The following CLASRP variants were observed in gnomAD, a reference collection of about 807,000 sequenced individuals.
CLASRP encodes CLK4-associating serine/arginine rich protein.
CLASRP carries 52 observed loss-of-function variants against 99.9 expected under a neutral mutation model. The ratio of observed to expected loss-of-function variants is 0.52; its 90% CI spans 0.42 to 0.66. The LOEUF is 0.66. CLASRP is among the 30% of genes least tolerant of loss of function. CLASRP has a pLI of 0.00. For missense variants in CLASRP, 848 were observed against 999.2 expected (o/e 0.85, Z 2.04); for synonymous variants, 379 against 373.0 (o/e 1.02, Z -0.18).
intron 2 of CLASRP, among the ~76,000 whole-genome samples, chr19:45,047,725 A>G (rs1181645154): frequency 1.3e-5 from 2 of 152,186 alleles, no homozygotes; most frequent in Non-Finnish European, 2.9e-5. Context: ...GGGTGGATGT[A>G]GTTACTACTA....
chr19:45,039,215 CG>C (rs936919291), intron 1 of CLASRP, 107 bp downstream of exon 1: 1 of 152,458 alleles, frequency 6.6e-6, no homozygotes, highest in Non-Finnish European at 1.5e-5. Context: ...TGCTGCGTCC[CG>C]GCCCCGAGGA....
rs1385235925 is a variant in CLASRP at position 45,060,943 on chromosome 19, C to T, written c.863+316C>T. Among the ~76,000 whole-genome samples the T allele has an allele frequency of 1.3e-5, 2 of 152,224 alleles. No individual in the cohort carries two copies. The highest frequency in any genetic ancestry group is 1.5e-5 in the Non-Finnish European group (1 of 68,048). The stretch of plus-strand genomic sequence containing the variant: ...GCACAGGCTTTGCCCTGGACTCTCA[C>T]CCAGTTCTGCTGCTTGGCTTCTTCC... On this transcript the variant is annotated intron_variant, in intron 10 of 20. Transcript: ENST00000221455. This position sits in a 1 kb window ranked among gnomAD's most constrained non-coding sequence, Gnocchi z 4.6.
intron 13 of CLASRP, among the ~76,000 whole-genome samples, chr19:45,065,874 G>C (rs1600114308): frequency 2.0e-5 from 3 of 152,224 alleles, no homozygotes; most frequent in African/African-American, 7.2e-5. Flanking sequence ...CAGGGCTGGT[G>C]CTGGCTAAGT....
intron 2 of CLASRP, among the ~76,000 whole-genome samples, chr19:45,051,691 G>A (rs1972025474): frequency 6.6e-6 from 1 of 151,922 alleles, no homozygotes; most frequent in African/African-American, 2.4e-5. Flanking sequence ...GCTGCAGGCC[G>A]GGCGCGGTGA....
At chr19:45,045,608 T>C (rs1971901898) in intron 2 of CLASRP, among the ~76,000 whole-genome samples, 1 of 152,170 alleles carries the variant, frequency 6.6e-6, no homozygotes, top group Admixed American at 6.6e-5. Context: ...TGAGGAAGGC[T>C]AAGAGGTGTA....
chr19:45,060,699 A>G lies in CLASRP; in HGVS notation c.863+72A>G, dbSNP rs546412505. ...AGAGCAGGGGCTTAGGGCCTGAGAA[A>G]GCTCTTTGGAGGCAGGCATTTGACT... On this transcript the variant is annotated intron_variant, in intron 10 of 20. Coordinates refer to ENST00000221455, the MANE Select transcript of CLASRP (RefSeq NM_007056.3). The surrounding 1 kb of genome is among the most constrained non-coding windows in gnomAD (Gnocchi z 4.6). 6.4e-5 allele frequency: 76 copies of G among 1,179,096 alleles called. No individual in the cohort carries two copies. Among genetic ancestry groups the G allele is most frequent in the Non-Finnish European group, 8.4e-5 (71 of 846,138 alleles). 73.0% of individuals were successfully genotyped at this position (1,179,096 alleles called of 1,614,324 possible). A position where few individuals can be genotyped will look rare whatever the true frequency, so the allele number is the denominator to read the frequency against.
At chr19:45,065,786 T>G (rs1044827422) in intron 13 of CLASRP, among the ~76,000 whole-genome samples, 2 of 152,134 alleles carry the variant, frequency 1.3e-5, no homozygotes, top group African/African-American at 4.8e-5. Flanking sequence ...CCTCTAATTC[T>G]GTAAAATCGC....
chr19:45,050,772 G>A (rs955809292), intron 2 of CLASRP, among the ~76,000 whole-genome samples: 2 of 151,908 alleles, frequency 1.3e-5, no homozygotes, highest in Non-Finnish European at 2.9e-5. Context: ...GAGTGCACTG[G>A]TGGGATCTCT....
rs535892009 is a variant in CLASRP at position 45,067,265 on chromosome 19, C to T, written c.1410-72C>T. ...CTTGCAGGAAGGAGGACTGTGGATCCGGACCCAGGGTGGGGTGCGGTTGGG... is the reference window on the plus strand; with the variant it reads ...CTTGCAGGAAGGAGGACTGTGGATCTGGACCCAGGGTGGGGTGCGGTTGGG... On this transcript the variant is annotated intron_variant, in intron 13 of 20. Transcript: ENST00000221455. The surrounding 1 kb of genome is among the most constrained non-coding windows in gnomAD (Gnocchi z 4.9). 130 of 1,434,286 alleles carry T rather than the reference C, an allele frequency of 9.1e-5. No homozygotes were observed. In the African/African-American group the frequency reaches 1.1e-3, roughly 12 times the overall value. 88.8% of individuals were successfully genotyped at this position (1,434,286 alleles called of 1,614,324 possible).
intron 2 of CLASRP, among the ~76,000 whole-genome samples, chr19:45,042,940 GCA>G (rs1421586726): frequency 6.6e-6 from 1 of 152,110 alleles, no homozygotes; most frequent in Non-Finnish European, 1.5e-5. Flanking sequence ...GAAACTTTCT[GCA>G]TACTGACATG....
intron 2 of CLASRP, among the ~76,000 whole-genome samples, chr19:45,042,442 C>T (rs1318511023): frequency 4.0e-5 from 6 of 151,542 alleles, no homozygotes; most frequent in African/African-American, 7.3e-5. Context: ...TTGCTTGAAC[C>T]CGGGAGGCAT....
At chr19:45,056,628 T>C in intron 6 of CLASRP, 94 bp downstream of exon 6, 1 of 961,284 alleles carries the variant, frequency 1.0e-6, no homozygotes, top group Non-Finnish European at 1.7e-6. Context: ...CACCAGGGTC[T>C]CCCCGAAACC....
intron 2 of CLASRP, among the ~76,000 whole-genome samples, chr19:45,043,065 A>G (rs994541872): frequency 6.6e-6 from 1 of 152,216 alleles, no homozygotes; most frequent in African/African-American, 2.4e-5. Context: ...GTGCTTATAA[A>G]GTATAAATGA....
chr19:45,065,897 G>A (rs915891516), intron 13 of CLASRP, among the ~76,000 whole-genome samples: 1 of 152,144 alleles, frequency 6.6e-6, no homozygotes, highest in Admixed American at 6.5e-5. Flanking sequence ...CGTTAATATC[G>A]TCAGCATCAT....
In CLASRP at chr19:45,053,190, T is replaced by TG. The variant is rs757560222; in HGVS notation, c.379+19dup. 1.2e-4 allele frequency: 190 copies of TG among 1,612,716 alleles called. No homozygotes were observed. The highest frequency in any genetic ancestry group is 1.5e-4 in the Non-Finnish European group (174 of 1,179,126). The stretch of plus-strand genomic sequence containing the variant: ...GACTTTGCCGGCAGTGAGTGATCTG[T>TG]GGGGGGACGTGGGGTGTGGGGTTTG... On this transcript the variant is annotated intron_variant, in intron 5 of 20. Coordinates refer to ENST00000221455, the MANE Select transcript of CLASRP (RefSeq NM_007056.3).
At chr19:45,051,193 C>G (rs889565495) in intron 2 of CLASRP, among the ~76,000 whole-genome samples, 5 of 151,972 alleles carry the variant, frequency 3.3e-5, no homozygotes, top group Non-Finnish European at 7.4e-5. Context: ...ATGAACGGCC[C>G]GGAGGATGGG....
In CLASRP at chr19:45,064,084, C is replaced by A. The variant is rs1468908095; in HGVS notation, c.978C>A (p.Ile326=). ...CGACCCCGGGCCGCGAGGAGAAGAT[C>A]ACGTTCATCACCAGTTTTGGGGGCA... is the stretch of plus-strand genomic sequence containing the variant. ...RSPTPGREEK[I]TFITSFGGSD... The change falls in exon 12 of 21, where the codon ATC becomes ATA. Residue 326 remains isoleucine, a synonymous_variant. Transcript: ENST00000221455. 6.2e-7 allele frequency: 1 copy of A among 1,610,780 alleles called. No individual in the cohort carries two copies. Among genetic ancestry groups the A allele is most frequent in the East Asian group, 2.2e-5 (1 of 44,594 alleles).
At chr19:45,059,127 G>C (rs936615585) in intron 7 of CLASRP, 141 bp from the exon 8 acceptor site, 3 of 705,864 alleles carry the variant, frequency 4.3e-6, no homozygotes, top group Non-Finnish European at 7.4e-6. Context: ...ATGCCAAGAT[G>C]AGCCAGACTT....
In CLASRP at chr19:45,064,540, G is replaced by A. The variant is rs973618192; in HGVS notation, c.1319G>A (p.Arg440Gln). ...TATTCCCGGTCCCGTAGCCGTGGCCGGCGGCACTCAGGTGGGGGCTCCCGA... is the reference window on the plus strand; with the variant it reads ...TATTCCCGGTCCCGTAGCCGTGGCCAGCGGCACTCAGGTGGGGGCTCCCGA... ...RRYSRSRSRG[R>Q]RHSGGGSRDG... The change falls in exon 13 of 21, where the codon CGG (arginine) becomes CAG (glutamine). Residue 440 changes from arginine (R) to glutamine (Q), a missense_variant. By Grantham distance (43) the Arg-to-Gln change is conservative. Transcript: ENST00000221455. 4.6e-6 allele frequency: 7 copies of A among 1,538,190 alleles called. No homozygotes were observed. The East Asian group carries it at 7.3e-5, about 16-fold the overall frequency.
Sources: allele counts gnomAD v4.1 joint callset (sites outside exome capture counted in the v4.1 genomes callset), GRCh38; gene constraint gnomAD v4.1.1; non-coding constraint Gnocchi (gnomAD v3.1); transcripts MANE v1.5; gene names NCBI Gene and HGNC (gene_info 2026-07-23, HGNC 2026-07-21).